The following TIAM1 variants were observed in gnomAD, a reference collection of about 807,000 sequenced individuals.
The protein encoded by TIAM1 is TIAM Rac1 associated GEF 1.
A neutral mutation model predicts 163.5 loss-of-function variants in TIAM1; 65 were observed. The observed-to-expected ratio is 0.40, with a 90% CI of 0.33 to 0.49. The LOEUF (loss-of-function observed/expected upper bound fraction) is 0.49, where lower values mean the gene tolerates loss of function less well. Ranked by LOEUF, TIAM1 falls within the 20% of genes least tolerant of loss-of-function variation. The pLI, the probability that TIAM1 is intolerant of heterozygous loss-of-function variation, is 0.77. For missense variants in TIAM1, 1,789 were observed against 2,044.7 expected (o/e 0.87, Z 2.41); for synonymous variants, 833 against 810.1 (o/e 1.03, Z -0.48).
chr21:31,126,132 C>T (rs971960101), intron 26 of TIAM1, among the ~76,000 whole-genome samples: 1 of 152,066 alleles, frequency 6.6e-6, no homozygotes, highest in Non-Finnish European at 1.5e-5. Flanking sequence ...GGTAAAGGTA[C>T]CTTCTTACCA....
Position 31,118,482 on chromosome 21 carries a change from T to C in TIAM1, c.*1886A>G, listed in dbSNP as rs954377359. On this transcript the variant is annotated 3_prime_UTR_variant, in exon 28 of 28. Transcript: ENST00000541036. ...CGTTCCATTCATAGACCTAAAAACA[T>C]AAAAATAGACCTTCTTTCAGCTTAT... The C allele has an allele frequency of 1.4e-5, 6 of 436,420 alleles. No homozygotes were observed. In the Admixed American group the frequency reaches 1.8e-4, roughly 13 times the overall value. The allele number at this position is 436,420 out of a possible 1,614,324, so 27.0% of individuals were successfully genotyped here.
At chr21:31,501,586 TTTTGTTTG>T (rs61313235) in intron 1 of TIAM1, among the ~76,000 whole-genome samples, 44 of 150,746 alleles carry the variant, frequency 2.9e-4, no homozygotes, top group East Asian at 1.4e-3. Flanking sequence ...ATGAAGTGGT[TTTTGTTTG>T]TTTGTTTGTT....
rs538328500 is a variant in TIAM1 at position 31,460,681 on chromosome 21, C to T, written c.-369+3302G>A. On this transcript the variant is annotated intron_variant, in intron 2 of 28. Coordinates refer to the TIAM1 transcript ENST00000286827. ...GTTGAAGAACAAGTATAGACATCCC[C>T]GCATCCTAAGAGGTCCTTCATCCAC... Among the ~76,000 whole-genome samples, 17 of 152,222 alleles carry T rather than the reference C, an allele frequency of 1.1e-4. 1 individual carries two copies. Among genetic ancestry groups the T allele is most frequent in the African/African-American group, 3.4e-4 (14 of 41,558 alleles).
intron 9 of TIAM1, 82 bp downstream of exon 9, chr21:31,217,471 T>C: frequency 2.6e-6 from 4 of 1,542,158 alleles, no homozygotes; most frequent in Non-Finnish European, 3.5e-6. Flanking sequence ...TCGGCCTCAC[T>C]GAAGAAACAC....
chr21:31,266,890 C>T lies in TIAM1; in HGVS notation c.83G>A (p.Arg28His), dbSNP rs185644856. Reference sequence around the variant, plus strand: ...CGTCTTGTGCGAGAGGCGCAGGGAGCGGGAAGTGTGCTTGCGCCCCAGGCT... The same window carrying T: ...CGTCTTGTGCGAGAGGCGCAGGGAGTGGGAAGTGTGCTTGCGCCCCAGGCT... ...HASLGRKHTS[R>H]SLRLSHKTRR... The change falls in exon 4 of 28, where the codon CGC (arginine) becomes CAC (histidine). Residue 28 changes from arginine (R) to histidine (H), a missense_variant. By Grantham distance (29) the Arg-to-His change is conservative. Transcript: ENST00000541036. The T allele has an allele frequency of 2.8e-5, 45 of 1,613,842 alleles. No individual in the cohort carries two copies. In the African/African-American group the frequency reaches 4.4e-4, roughly 16 times the overall value.
intron 24 of TIAM1, 142 bp downstream of exon 24, chr21:31,130,748 C>G: frequency 1.4e-6 from 1 of 738,410 alleles, no homozygotes; most frequent in Non-Finnish European, 2.2e-6. Context: ...GATGAGTGAT[C>G]TCAAGCATCC....
chr21:31,499,805 G>A (rs866744614), intron 1 of TIAM1, among the ~76,000 whole-genome samples: 1 of 150,440 alleles, frequency 6.6e-6, no homozygotes, highest in African/African-American at 2.5e-5. Flanking sequence ...AGCCAAGATC[G>A]AGCTACTGCA....
chr21:31,188,444 T>TA (rs767001241), intron 13 of TIAM1, among the ~76,000 whole-genome samples: 35 of 151,862 alleles, frequency 2.3e-4, no homozygotes, highest in Middle Eastern at 6.8e-3. Flanking sequence ...TAGTGGAAAT[T>TA]AAAAAAAAAT....
chr21:31,520,902 C>T (rs978218242), intron 1 of TIAM1, among the ~76,000 whole-genome samples: 3 of 152,344 alleles, frequency 2.0e-5, no homozygotes, highest in African/African-American at 7.2e-5. Context: ...GCTGCCTTTT[C>T]CGTAAGGTGA....
rs188147442 is a variant in TIAM1 at position 31,374,187 on chromosome 21, G to A, written c.-368-34765C>T. ...TGGCGCTGTGAAGAATGCCAACACC[G>A]AGTATGGAACCCATTCCTCCCAAAT... On this transcript the variant is annotated intron_variant, in intron 2 of 28. Transcript: ENST00000286827. 4.6e-5 allele frequency among the ~76,000 whole-genome samples: 7 copies of A among 152,154 alleles called. No individual in the cohort carries two copies. The East Asian group carries it at 9.7e-4, about 21-fold the overall frequency.
chr21:31,401,582 CA>C (rs1397806560), intron 2 of TIAM1, among the ~76,000 whole-genome samples: 3 of 152,156 alleles, frequency 2.0e-5, no homozygotes, highest in South Asian at 2.1e-4. Flanking sequence ...TGCATCCCAG[CA>C]GAAGCTAAGT....
intron 1 of TIAM1, among the ~76,000 whole-genome samples, chr21:31,470,794 C>T (rs764532937): frequency 6.6e-4 from 100 of 152,218 alleles, no homozygotes; most frequent in Non-Finnish European, 1.4e-3. Context: ...CAGCCACTGT[C>T]TCCCCAGGAG....
At chr21:31,259,287 C>T (rs143399553) in intron 4 of TIAM1, among the ~76,000 whole-genome samples, 1 of 152,136 alleles carries the variant, frequency 6.6e-6, no homozygotes, top group East Asian at 1.9e-4. Flanking sequence ...AGGCACACAC[C>T]ACCACACCTG....
chr21:31,315,355 A>T (rs901170154), intron 2 of TIAM1, among the ~76,000 whole-genome samples: 17 of 152,012 alleles, frequency 1.1e-4, no homozygotes, highest in African/African-American at 3.9e-4. Flanking sequence ...TCTACTAAAA[A>T]TACAAAAAAA....
chr21:31,550,211 G>A (rs1314947694), intron 1 of TIAM1, among the ~76,000 whole-genome samples: 3 of 151,608 alleles, frequency 2.0e-5, no homozygotes, highest in Non-Finnish European at 4.4e-5. Context: ...TACACACAAA[G>A]GCCAAAAGGT....
chr21:31,251,635 T>C, intron 5 of TIAM1, 107 bp downstream of exon 5: 1 of 1,172,884 alleles, frequency 8.5e-7, no homozygotes, highest in Non-Finnish European at 1.2e-6. Context: ...ATTTTCAAAT[T>C]CTGTATAACA....
Position 31,497,346 on chromosome 21 carries a change from CA to C in TIAM1, c.-421-33312del, listed in dbSNP as rs1267585806. ...GTCTGAAATTGAAATAATATCAAAACAAATAGTTATAAGAGTAAGGAAGCGT... is the reference window on the plus strand; with the variant it reads ...GTCTGAAATTGAAATAATATCAAAACAATAGTTATAAGAGTAAGGAAGCGT... On this transcript the variant is annotated intron_variant, in intron 1 of 28. Transcript: ENST00000286827. 2.0e-5 allele frequency among the ~76,000 whole-genome samples: 3 copies of C among 152,144 alleles called. No homozygotes were observed. In the East Asian group the frequency reaches 5.8e-4, roughly 29 times the overall value.
In TIAM1 at chr21:31,266,807, T is replaced by C; in HGVS notation, c.166A>G (p.Thr56Ala). 6.2e-7 allele frequency: 1 copy of C among 1,614,106 alleles called. No homozygotes were observed. The highest frequency in any genetic ancestry group is 8.5e-7 in the Non-Finnish European group (1 of 1,180,024). ...KVIHRNSEVSTRSSSTPSIPQ... is the reference protein window; with the variant it reads ...KVIHRNSEVSARSSSTPSIPQ... ...ATGCTGGGGGTGCTGCTGGATCGGG[T>C]GCTCACTTCGGAGTTCCTGTGGATC... is the stretch of plus-strand genomic sequence containing the variant. Residue 56 changes from threonine (T) to alanine (A), a missense_variant, in exon 4 of 28, where the codon ACC becomes GCC. Thr to Ala is a moderately conservative substitution (Grantham distance 58). Transcript: ENST00000541036.
intron 16 of TIAM1, among the ~76,000 whole-genome samples, chr21:31,164,370 A>T (rs1421691349): frequency 1.3e-5 from 2 of 149,844 alleles, no homozygotes; most frequent in Admixed American, 6.6e-5. Flanking sequence ...AGCCTGGGCG[A>T]CAGAGCGAGA....
Sources: allele counts gnomAD v4.1 joint callset (sites outside exome capture counted in the v4.1 genomes callset), GRCh38; gene constraint gnomAD v4.1.1; transcripts MANE v1.5; gene names NCBI Gene and HGNC (gene_info 2026-07-23, HGNC 2026-07-21).